Variants in STOX1 observed in about 807,000 individuals in gnomAD.
The protein encoded by STOX1 is storkhead box 1.
STOX1 carries 57 observed loss-of-function variants against 74.8 expected under a neutral mutation model. That is an observed-to-expected ratio of 0.76 (90% CI 0.62 to 0.95). The LOEUF is 0.95. Ranked by LOEUF, STOX1 falls within the 40% of genes least tolerant of loss-of-function variation. The pLI, the probability that STOX1 is intolerant of heterozygous loss-of-function variation, is 0.00. For missense variants in STOX1, 1,010 were observed against 1,117.0 expected, an observed-to-expected ratio of 0.90 and a Z score of 1.37; for synonymous variants, 375 against 401.3, an observed-to-expected ratio of 0.93 and a Z score of 0.78.
chr10:68,833,246 C>T lies in STOX1; in HGVS notation c.310+5313C>T, dbSNP rs373742340. Among the ~76,000 whole-genome samples, 32 of 152,060 alleles carry T rather than the reference C, an allele frequency of 2.1e-4. 1 individual carries two copies. The highest frequency in any genetic ancestry group is 1.4e-3 in the East Asian group (7 of 5,154). ...GACTATAGGCGCGTGCCAGCACGCCCGGCTAAGTTTTTTTGTAATTTTAGT... is the reference window on the plus strand; with the variant it reads ...GACTATAGGCGCGTGCCAGCACGCCTGGCTAAGTTTTTTTGTAATTTTAGT... On this transcript the variant is annotated intron_variant, in intron 1 of 3. Transcript: ENST00000298596.
At chr10:68,830,873 C>T (rs970333614) in intron 1 of STOX1, among the ~76,000 whole-genome samples, 3 of 152,106 alleles carry the variant, frequency 2.0e-5, no homozygotes, top group African/African-American at 7.2e-5. Flanking sequence ...AATAGCGTTG[C>T]TAATTGCTGA....
At chr10:68,888,513 A>G (rs1841020412) in intron 3 of STOX1, among the ~76,000 whole-genome samples, 1 of 151,982 alleles carries the variant, frequency 6.6e-6, no homozygotes, top group African/African-American at 2.4e-5. Flanking sequence ...GTACTGAGTT[A>G]CTATTTTGCA....
intron 1 of STOX1, among the ~76,000 whole-genome samples, chr10:68,870,494 C>T (rs73266467): frequency 0.011 from 1,711 of 152,252 alleles, 33 homozygotes; most frequent in African/African-American, 0.038. Context: ...ATGCCCATGT[C>T]CTAATACCTG....
At chr10:68,882,566 C>T (rs1055398352) in intron 2 of STOX1, among the ~76,000 whole-genome samples, 8 of 150,592 alleles carry the variant, frequency 5.3e-5, no homozygotes, top group Non-Finnish European at 1.2e-4. Flanking sequence ...GGCACCATCT[C>T]GGCTCACTGC....
At chr10:68,891,465 T>C (rs1564591552) in intron 3 of STOX1, among the ~76,000 whole-genome samples, 1 of 152,160 alleles carries the variant, frequency 6.6e-6, no homozygotes, top group Non-Finnish European at 1.5e-5. Flanking sequence ...TTTAATGTAA[T>C]GGACAGTTGA....
chr10:68,840,992 G>C (rs1232532509), intron 1 of STOX1, among the ~76,000 whole-genome samples: 7 of 151,606 alleles, frequency 4.6e-5, no homozygotes, highest in African/African-American at 1.7e-4. Context: ...CTGTTGCCCA[G>C]GCTGGAGTGC....
At chr10:68,860,561 C>T (rs1330618350) in intron 1 of STOX1, among the ~76,000 whole-genome samples, 1 of 112,648 alleles carries the variant, frequency 8.9e-6, no homozygotes, top group Non-Finnish European at 1.7e-5. Context: ...CAGAGTGAGA[C>T]TCTGTCTCAA....
At chr10:68,875,995 C>T (rs1840666043) in intron 1 of STOX1, among the ~76,000 whole-genome samples, 1 of 151,588 alleles carries the variant, frequency 6.6e-6, no homozygotes, top group Admixed American at 6.6e-5. Flanking sequence ...CACTTTTTTT[C>T]CTCAAATGAG....
chr10:68,872,907 C>T (rs1300931567), intron 1 of STOX1, among the ~76,000 whole-genome samples: 1 of 63,124 alleles, frequency 1.6e-5, no homozygotes, highest in Non-Finnish European at 2.8e-5. Context: ...GTAAAATAAG[C>T]GTAATTGTTC....
chr10:68,836,293 G>GTTT (rs1182905301), intron 1 of STOX1, among the ~76,000 whole-genome samples: 1 of 152,198 alleles, frequency 6.6e-6, no homozygotes, highest in Non-Finnish European at 1.5e-5. Flanking sequence ...TTTTCAGGTT[G>GTTT]TTTTGAAGAT....
chr10:68,845,732 T>G (rs1272432118), intron 1 of STOX1, among the ~76,000 whole-genome samples: 2 of 150,544 alleles, frequency 1.3e-5, no homozygotes, highest in East Asian at 2.0e-4. Context: ...CTCCCGAGTA[T>G]CTGGGATTAT....
chr10:68,887,595 CTTTTTT>C (rs71028802), intron 3 of STOX1, among the ~76,000 whole-genome samples: 2 of 116,452 alleles, frequency 1.7e-5, no homozygotes. Flanking sequence ...TATTTTCTTT[CTTTTTT>C]TTTTTTTTTT....
At chr10:68,844,167 G>T (rs1020202024) in intron 1 of STOX1, among the ~76,000 whole-genome samples, 1 of 144,660 alleles carries the variant, frequency 6.9e-6, no homozygotes, top group African/African-American at 2.6e-5. Context: ...GAGACAGCAA[G>T]AATCTGTCTC....
intron 3 of STOX1, among the ~76,000 whole-genome samples, chr10:68,891,236 T>A (rs974681295): frequency 6.6e-6 from 1 of 152,160 alleles, no homozygotes; most frequent in African/African-American, 2.4e-5. Context: ...GAACATCAAC[T>A]GTGTGCCATG....
intron 3 of STOX1, among the ~76,000 whole-genome samples, chr10:68,888,624 A>G (rs1589239398): frequency 7.1e-6 from 1 of 140,494 alleles, no homozygotes; most frequent in Non-Finnish European, 1.5e-5. Context: ...TATCTTTGCC[A>G]GTATTTTTTT....
In STOX1 at chr10:68,884,786, C is replaced by T. The variant is rs1840897143; in HGVS notation, c.990C>T (p.His330=). The change falls in exon 3 of 4, where the codon CAC becomes CAT. Residue 330 remains histidine (H), a synonymous_variant. Coordinates refer to ENST00000298596, the MANE Select transcript of STOX1 (RefSeq NM_152709.5). The part of the protein sequence containing the change: ...LSRKEKPKTE[H]SSFSAQFPPE... ...GAAAGGAGAAGCCCAAAACAGAACA[C>T]AGCAGTTTCTCTGCTCAGTTCCCAC... 9.9e-6 allele frequency: 16 copies of T among 1,614,080 alleles called. No homozygotes were observed. Among genetic ancestry groups the T allele is most frequent in the Non-Finnish European group, 1.4e-5 (16 of 1,180,040 alleles).
Position 68,892,780 on chromosome 10 carries a change from C to T in STOX1, c.*44C>T. ...CTTTTTTCTTTATAAAAAGGTAGAG[C>T]ATTATTACAGAATCTTTCAATCATG... On this transcript the variant is annotated 3_prime_UTR_variant, in exon 4 of 4. Transcript: ENST00000298596. 1 of 1,581,472 alleles carries T rather than the reference C, an allele frequency of 6.3e-7. No individual in the cohort carries two copies. The highest frequency in any genetic ancestry group is 8.7e-7 in the Non-Finnish European group (1 of 1,152,274).
At position 68,881,942 on chromosome 10, in the gene STOX1, T is replaced by C. The variant is rs774838377; in HGVS notation, c.311-16T>C. ...TTATCAACCCCCTCCCCCTTTTTTT[T>C]AAATCTCCAATTTAGGTGATGTCTT... On this transcript the variant is annotated splice_polypyrimidine_tract_variant and intron_variant, in intron 1 of 3. Transcript: ENST00000298596. 2 of 1,613,652 alleles carry C rather than the reference T, an allele frequency of 1.2e-6. No individual in the cohort carries two copies. The highest frequency in any genetic ancestry group is 1.1e-5 in the South Asian group (1 of 91,058).
At chr10:68,858,278 G>C (rs777200088) in intron 1 of STOX1, among the ~76,000 whole-genome samples, 22 of 152,094 alleles carry the variant, frequency 1.4e-4, no homozygotes, top group Admixed American at 8.5e-4. Flanking sequence ...AGAGATCAGA[G>C]CTGCTGACCT....
Sources: allele counts gnomAD v4.1 joint callset (sites outside exome capture counted in the v4.1 genomes callset), GRCh38; gene constraint gnomAD v4.1.1; transcripts MANE v1.5; gene names NCBI Gene and HGNC (gene_info 2026-07-23, HGNC 2026-07-21).